Variants in SLC35F4 observed in about 807,000 individuals in gnomAD.
SLC35F4 encodes chromosome 14 open reading frame 36.
In SLC35F4, 24 loss-of-function variants were observed where a neutral mutation model predicts 44.2. The ratio of observed to expected loss-of-function variants is 0.54; its 90% CI spans 0.39 to 0.76. The LOEUF (loss-of-function observed/expected upper bound fraction) is 0.76, where lower values mean the gene tolerates loss of function less well. Among genes scored for constraint, SLC35F4 ranks in the 30% least tolerant of loss-of-function variants. The pLI is 0.00. For missense variants in SLC35F4, 562 were observed against 586.1 expected (o/e 0.96, Z 0.42); for synonymous variants, 238 against 223.6 (o/e 1.06, Z -0.57).
chr14:57,786,123 G>C (rs892593448), intron 1 of SLC35F4, among the ~76,000 whole-genome samples: 1 of 152,032 alleles, frequency 6.6e-6, no homozygotes, highest in African/African-American at 2.4e-5. Context: ...GTGGGAGCTG[G>C]GTGAGGGCTA....
At chr14:57,661,092 T>G (rs1166582838) in intron 1 of SLC35F4, among the ~76,000 whole-genome samples, 1 of 152,196 alleles carries the variant, frequency 6.6e-6, no homozygotes, top group Non-Finnish European at 1.5e-5. Flanking sequence ...CCTGTGACCA[T>G]GCGAATCGAG....
At chr14:57,904,616 T>C (rs1348704117) in intron 1 of SLC35F4, among the ~76,000 whole-genome samples, 3 of 152,242 alleles carry the variant, frequency 2.0e-5, no homozygotes, top group African/African-American at 4.8e-5. Flanking sequence ...TTTTTGTAGG[T>C]TGACACTATT....
At chr14:57,765,194 G>T (rs571442107) in intron 1 of SLC35F4, among the ~76,000 whole-genome samples, 1 of 152,330 alleles carries the variant, frequency 6.6e-6, no homozygotes, top group Admixed American at 6.5e-5. Context: ...ATGCATTAAT[G>T]CTGTGCTATT....
intron 1 of SLC35F4, among the ~76,000 whole-genome samples, chr14:57,836,396 G>A (rs1025826753): frequency 2.6e-5 from 4 of 152,146 alleles, no homozygotes; most frequent in Non-Finnish European, 5.9e-5. Context: ...TGGTTCAAGT[G>A]ATTCTCCTGC....
intron 1 of SLC35F4, among the ~76,000 whole-genome samples, chr14:57,707,836 T>C (rs899726052): frequency 6.6e-6 from 1 of 152,226 alleles, no homozygotes; most frequent in Non-Finnish European, 1.5e-5. Context: ...AAACCAGACC[T>C]AACTGATTCC....
chr14:57,851,927 A>G (rs534854490), intron 1 of SLC35F4, among the ~76,000 whole-genome samples: 4 of 152,326 alleles, frequency 2.6e-5, no homozygotes, highest in Non-Finnish European at 5.9e-5. Context: ...AAACATTCCA[A>G]AGAAAAATAT....
intron 7 of SLC35F4, among the ~76,000 whole-genome samples, chr14:57,566,206 G>A (rs560493884): frequency 6.6e-6 from 1 of 152,094 alleles, no homozygotes; most frequent in African/African-American, 2.4e-5. Flanking sequence ...ACAAAATTAG[G>A]TTGTCAGGGA....
At chr14:57,634,989 G>A (rs150958221) in intron 1 of SLC35F4, among the ~76,000 whole-genome samples, 3 of 152,210 alleles carry the variant, frequency 2.0e-5, no homozygotes, top group Non-Finnish European at 4.4e-5. Flanking sequence ...GGCCGGTTGC[G>A]GCTCATGCCT....
At chr14:57,876,290 C>T (rs1888398686) in intron 1 of SLC35F4, among the ~76,000 whole-genome samples, 1 of 152,036 alleles carries the variant, frequency 6.6e-6, no homozygotes, top group South Asian at 2.1e-4. Flanking sequence ...TTTGTGCTTA[C>T]CCTTTGTGGG....
At chr14:57,831,972 G>T (rs551723164) in intron 1 of SLC35F4, among the ~76,000 whole-genome samples, 5 of 152,312 alleles carry the variant, frequency 3.3e-5, no homozygotes, top group African/African-American at 1.2e-4. Flanking sequence ...AACTCTCCAA[G>T]CCAGCAAAGA....
chr14:57,827,052 T>C (rs1351837079), intron 1 of SLC35F4, among the ~76,000 whole-genome samples: 1 of 152,168 alleles, frequency 6.6e-6, no homozygotes, highest in Non-Finnish European at 1.5e-5. Context: ...TAAAGATATA[T>C]GCACACGTAT....
intron 1 of SLC35F4, among the ~76,000 whole-genome samples, chr14:57,708,352 C>T (rs183458496): frequency 1.8e-4 from 28 of 152,288 alleles, no homozygotes; most frequent in Non-Finnish European, 3.4e-4. Flanking sequence ...ACTCTGATCC[C>T]CAATTGCTCA....
intron 1 of SLC35F4, among the ~76,000 whole-genome samples, chr14:57,819,668 C>T (rs1882959715): frequency 6.6e-6 from 1 of 151,454 alleles, no homozygotes; most frequent in Admixed American, 6.6e-5. Flanking sequence ...CAAAAATTAG[C>T]CAGGCATGGT....
chr14:57,645,806 T>G (rs1421482550), intron 1 of SLC35F4, among the ~76,000 whole-genome samples: 1 of 151,496 alleles, frequency 6.6e-6, no homozygotes, highest in Admixed American at 6.6e-5. Flanking sequence ...CATCAGTACC[T>G]AATTTATTGA....
intron 1 of SLC35F4, among the ~76,000 whole-genome samples, chr14:57,968,540 T>C (rs1880959318): frequency 6.6e-6 from 1 of 152,238 alleles, no homozygotes; most frequent in South Asian, 2.1e-4. Flanking sequence ...ATTGTGCTGC[T>C]ACACAAGTAT....
At position 57,752,599 on chromosome 14, in the gene SLC35F4, T is replaced by C. The variant is rs1281605307; in HGVS notation, c.103+113124A>G. Among the ~76,000 whole-genome samples, 16 of 152,084 alleles carry C rather than the reference T, an allele frequency of 1.1e-4. 1 individual carries two copies. Among genetic ancestry groups the C allele is most frequent in the Admixed American group, 1.0e-3 (16 of 15,260 alleles). On this transcript the variant is annotated intron_variant, in intron 1 of 7. Transcript: ENST00000556826. ...CCTCAGCCTCCCGAGTAACTGGGAC[T>C]ACAGGCGCACACTACCATACCAGGC...
intron 1 of SLC35F4, among the ~76,000 whole-genome samples, chr14:57,784,438 CTT>C (rs939611470): frequency 1.3e-5 from 2 of 152,112 alleles, no homozygotes; most frequent in Non-Finnish European, 2.9e-5. Context: ...AATTACAACA[CTT>C]TGGGAGGCCA....
intron 1 of SLC35F4, among the ~76,000 whole-genome samples, chr14:57,815,527 CATTAAG>C (rs1001712786): frequency 2.0e-5 from 3 of 152,132 alleles, no homozygotes; most frequent in African/African-American, 7.2e-5. Context: ...AACTCTAAAA[CATTAAG>C]ATGTATAAGA....
intron 1 of SLC35F4, among the ~76,000 whole-genome samples, chr14:57,875,511 C>T (rs2141029442): frequency 6.6e-6 from 1 of 152,312 alleles, no homozygotes; most frequent in Non-Finnish European, 1.5e-5. Context: ...CCTGGATGGG[C>T]TTGCTTATGC....
Sources: gnomAD v4.1 joint callset for allele counts (sites outside exome capture counted in the v4.1 genomes callset) on GRCh38, gnomAD v4.1.1 for gene constraint, MANE v1.5 for transcripts, NCBI Gene and HGNC (gene_info 2026-07-23, HGNC 2026-07-21) for gene names.